Variants in COG5 observed in about 807,000 individuals in gnomAD.
COG5 encodes the protein conserved oligomeric Golgi complex subunit 5.
In COG5, 86 loss-of-function variants were observed where a neutral mutation model predicts 110.4. That is an observed-to-expected ratio of 0.78 (90% CI 0.65 to 0.93). The LOEUF (loss-of-function observed/expected upper bound fraction) is 0.93, where lower values mean the gene tolerates loss of function less well. Among genes scored for constraint, COG5 ranks in the 40% least tolerant of loss-of-function variants. The pLI is 0.00. For missense variants in COG5, 1,077 were observed against 987.0 expected (o/e 1.09, Z -1.22); for synonymous variants, 360 against 334.6 (o/e 1.08, Z -0.83).
intron 7 of COG5, among the ~76,000 whole-genome samples, chr7:107,395,641 G>A (rs547577222): frequency 4.0e-5 from 5 of 126,410 alleles, no homozygotes; most frequent in Non-Finnish European, 6.3e-5. Flanking sequence ...TGCAACCTCC[G>A]CCTCCTAGGT....
At chr7:107,311,073 T>C (rs1301932396) in intron 11 of COG5, among the ~76,000 whole-genome samples, 1 of 152,198 alleles carries the variant, frequency 6.6e-6, no homozygotes, top group African/African-American at 2.4e-5. Flanking sequence ...ATGCAACAAA[T>C]AGCCCGGCGA....
At chr7:107,255,654 C>A (rs953960177) in intron 16 of COG5, among the ~76,000 whole-genome samples, 5 of 151,984 alleles carry the variant, frequency 3.3e-5, no homozygotes, top group Non-Finnish European at 5.9e-5. Flanking sequence ...GATGTAAATC[C>A]AATCTAATAG....
intron 6 of COG5, chr7:107,471,371 G>A (rs1301718240): frequency 6.6e-6 from 1 of 151,874 alleles, no homozygotes; most frequent in African/African-American, 2.4e-5. Flanking sequence ...CTTTTCACAA[G>A]GGCCAATAGC....
chr7:107,236,617 C>G lies in COG5; in HGVS notation c.1924G>C (p.Ala642Pro), dbSNP rs753725486. 3.1e-6 allele frequency: 5 copies of G among 1,613,962 alleles called. No individual in the cohort carries two copies. Among genetic ancestry groups the G allele is most frequent in the Non-Finnish European group, 4.2e-6 (5 of 1,180,006 alleles). The change falls in exon 18 of 22, where the codon GCC (alanine) becomes CCC (proline). Residue 642 changes from alanine to proline, a missense_variant. Transcript: ENST00000297135. The stretch of plus-strand genomic sequence containing the variant: ...TTAAAATAGTCACTCATAACTCTGG[C>G]AATGAAACCTTGTAGCTCCTTCATG... The part of the protein sequence containing the change: ...LYMKELQGFI[A>P]RVMSDYFKHF...
At chr7:107,234,778 C>CTT (rs78154512) in intron 18 of COG5, among the ~76,000 whole-genome samples, 2 of 146,588 alleles carry the variant, frequency 1.4e-5, no homozygotes, top group Non-Finnish European at 3.0e-5. Context: ...ATAGTTCACA[C>CTT]TTTTTTTTTT....
At chr7:107,398,082 A>T (rs990395888) in intron 7 of COG5, among the ~76,000 whole-genome samples, 1 of 152,190 alleles carries the variant, frequency 6.6e-6, no homozygotes, top group African/African-American at 2.4e-5. Context: ...GGTAGGCAAA[A>T]ATTTCTTTCA....
In COG5 at chr7:107,298,328, T is replaced by C; in HGVS notation, c.1127A>G (p.Gln376Arg). 1.2e-6 allele frequency: 2 copies of C among 1,613,364 alleles called. No homozygotes were observed. Among genetic ancestry groups the C allele is most frequent in the Non-Finnish European group, 1.7e-6 (2 of 1,179,580 alleles). Residue 376 changes from glutamine (Q) to arginine (R), a missense_variant, in exon 12 of 22, where the codon CAG (glutamine) becomes CGG (arginine). Physicochemically the swap from Gln to Arg is conservative, Grantham distance 43. Coordinates refer to ENST00000297135, the MANE Select transcript of COG5 (RefSeq NM_006348.5). ...TTTAGGGTATTCTCCTTCAAATGCC[T>C]GCTTCAAAAACATCGAAGCTGCCAA... Reference protein sequence around the residue: ...MATNSSMFLKQAFEGEYPKLL... With the variant: ...MATNSSMFLKRAFEGEYPKLL...
intron 7 of COG5, among the ~76,000 whole-genome samples, chr7:107,377,019 T>A (rs1814694257): frequency 6.6e-6 from 1 of 152,178 alleles, no homozygotes; most frequent in African/African-American, 2.4e-5. Context: ...GGAAGACAAC[T>A]AGTAATTTTA....
intron 6 of COG5, among the ~76,000 whole-genome samples, chr7:107,486,517 GA>G (rs551695583): frequency 1.2e-4 from 18 of 151,576 alleles, no homozygotes; most frequent in Admixed American, 4.6e-4. Flanking sequence ...CACAGTCTTG[GA>G]AAAAAAATGC....
intron 10 of COG5, among the ~76,000 whole-genome samples, chr7:107,356,138 G>A (rs2129043784): frequency 6.6e-6 from 1 of 152,048 alleles, no homozygotes; most frequent in Non-Finnish European, 1.5e-5. Flanking sequence ...ATTTAACAAA[G>A]GAAAATGTAA....
intron 6 of COG5, among the ~76,000 whole-genome samples, chr7:107,501,045 T>C (rs559636290): frequency 1.3e-5 from 2 of 152,212 alleles, no homozygotes; most frequent in Non-Finnish European, 1.5e-5. Flanking sequence ...GAATAAATTA[T>C]CTTGGCAATG....
intron 6 of COG5, among the ~76,000 whole-genome samples, chr7:107,519,603 C>G (rs1005454840): frequency 2.0e-5 from 3 of 151,916 alleles, no homozygotes; most frequent in African/African-American, 7.3e-5. Flanking sequence ...AGGAAGAAGT[C>G]AAATCTCTGA....
chr7:107,395,178 A>G (rs1360040693), intron 7 of COG5, among the ~76,000 whole-genome samples: 2 of 152,190 alleles, frequency 1.3e-5, no homozygotes, highest in African/African-American at 4.8e-5. Context: ...TCAAAGTTTA[A>G]TAAGTGCACC....
At chr7:107,272,416 A>C (rs1041553425) in intron 14 of COG5, among the ~76,000 whole-genome samples, 1 of 152,130 alleles carries the variant, frequency 6.6e-6, no homozygotes, top group Admixed American at 6.5e-5. Flanking sequence ...ATGACTCCCT[A>C]AAATGTATAA....
intron 19 of COG5, among the ~76,000 whole-genome samples, chr7:107,223,286 T>C (rs554936171): frequency 2.3e-4 from 35 of 152,126 alleles, no homozygotes; most frequent in Non-Finnish European, 4.0e-4. Context: ...GAAGAGAAAG[T>C]GTTGGAGGCC....
Position 107,201,394 on chromosome 7 carries a change from G to A in COG5, c.*2122C>T, listed in dbSNP as rs200187637. 439 of 1,530,582 alleles carry A rather than the reference G, an allele frequency of 2.9e-4. No homozygotes were observed. In the African/African-American group the frequency reaches 4.6e-3, roughly 16 times the overall value. The allele number at this position is 1,530,582 out of a possible 1,614,324, so 94.8% of individuals were successfully genotyped here. A position where few individuals can be genotyped will look rare whatever the true frequency, so the allele number is the denominator to read the frequency against. ...GTATTGATTTGTAAACATTCACTGA[G>A]TTTAATTTTATTTCCACAGGGCTCA... On this transcript the variant is annotated 3_prime_UTR_variant, in exon 22 of 22. Transcript: ENST00000297135.
At chr7:107,248,557 A>G (rs1316664286) in intron 16 of COG5, 58 bp from the exon 17 acceptor site, 9 of 1,188,750 alleles carry the variant, frequency 7.6e-6, no homozygotes, top group Non-Finnish European at 1.1e-5. Context: ...AAACAACCCA[A>G]AGAAATTTGA....
In COG5 at chr7:107,259,061, C is replaced by T. The variant is rs192183266; in HGVS notation, c.1576-678G>A. Among the ~76,000 whole-genome samples the T allele has an allele frequency of 1.1e-4, 17 of 151,936 alleles. No individual in the cohort carries two copies. The East Asian group carries it at 3.3e-3, about 29-fold the overall frequency. ...CTTTCTACACTTGACCTTTAATTTACTTCTAAATTCATGAGTTTTAGGGAA... is the reference window on the plus strand; with the variant it reads ...CTTTCTACACTTGACCTTTAATTTATTTCTAAATTCATGAGTTTTAGGGAA... On this transcript the variant is annotated intron_variant, in intron 14 of 21. Coordinates refer to ENST00000297135, the MANE Select transcript of COG5 (RefSeq NM_006348.5).
intron 16 of COG5, among the ~76,000 whole-genome samples, chr7:107,252,137 C>G (rs1431564886): frequency 6.6e-6 from 1 of 152,104 alleles, no homozygotes; most frequent in Non-Finnish European, 1.5e-5. Context: ...AGAAGGATCC[C>G]TTGAGCCCAG....
Sources: allele counts gnomAD v4.1 joint callset (sites outside exome capture counted in the v4.1 genomes callset), GRCh38; gene constraint gnomAD v4.1.1; transcripts MANE v1.5; gene names NCBI Gene and HGNC (gene_info 2026-07-23, HGNC 2026-07-21).